DSP: variants seen among roughly 807,000 people sequenced by gnomAD.
The protein encoded by DSP is desmoplakin.
Under a neutral mutation model 290.6 loss-of-function variants are expected in DSP, and 114 were observed. That is an observed-to-expected ratio of 0.39 (90% CI 0.34 to 0.46). DSP has a LOEUF of 0.46. DSP is among the 20% of genes least tolerant of loss of function. The pLI, the probability that DSP is intolerant of heterozygous loss-of-function variation, is 0.99. For synonymous variants in DSP, 1,311 were observed against 1,316.4 expected, an observed-to-expected ratio of 1.00 and a Z score of 0.09; for missense variants, 3,230 against 3,495.8, an observed-to-expected ratio of 0.92 and a Z score of 1.92.
chr6:7,585,920 A>G lies in DSP; in HGVS notation c.*42A>G. 11 of 1,576,736 alleles carry G rather than the reference A, an allele frequency of 7.0e-6. No homozygotes were observed. Among genetic ancestry groups the G allele is most frequent in the South Asian group, 1.1e-5 (1 of 89,822 alleles). On this transcript the variant is annotated 3_prime_UTR_variant, in exon 24 of 24. Coordinates refer to ENST00000379802, the MANE Select transcript of DSP (RefSeq NM_004415.4). ...GTTGCTATACCTTGACTTCATTTAT[A>G]TGAATTTCCACTTTATTAAATAATA...
Position 7,579,143 on chromosome 6 carries a change from C to T in DSP, c.3085-132C>T. Reference sequence around the variant, plus strand: ...GATTTCTTGAATATTTGCCTAGTCACTCTTTGCATGTATGTCCATGTGTGT... The same window carrying T: ...GATTTCTTGAATATTTGCCTAGTCATTCTTTGCATGTATGTCCATGTGTGT... On this transcript the variant is annotated intron_variant, in intron 22 of 23. Coordinates refer to ENST00000379802, the MANE Select transcript of DSP (RefSeq NM_004415.4). This position sits in a 1 kb window ranked among gnomAD's most constrained non-coding sequence, Gnocchi z 4.1. The T allele has an allele frequency of 1.5e-6, 2 of 1,291,580 alleles. No individual in the cohort carries two copies. Among genetic ancestry groups the T allele is most frequent in the Non-Finnish European group, 2.1e-6 (2 of 932,674 alleles). 80.0% of individuals were successfully genotyped at this position (1,291,580 alleles called of 1,614,324 possible). A position where few individuals can be genotyped will look rare whatever the true frequency, so the allele number is the denominator to read the frequency against.
chr6:7,584,890 TC>T lies in DSP; in HGVS notation c.7629del (p.Phe2544LeufsTer17). ...AIDKGLVDRK[F>X]FDQYRSGSLS... Reference sequence around the variant, plus strand: ...GACAAGGGCCTTGTTGACAGGAAGTTCTTTGATCAGTACCGATCCGGCAGCC... The same window carrying T: ...GACAAGGGCCTTGTTGACAGGAAGTTTTTGATCAGTACCGATCCGGCAGCC... On this transcript the variant is annotated frameshift_variant, in exon 24 of 24. Coordinates refer to ENST00000379802, the MANE Select transcript of DSP (RefSeq NM_004415.4). LOFTEE classifies it high-confidence loss of function. The surrounding 1 kb of genome is among the most constrained non-coding windows in gnomAD (Gnocchi z 6.4). 6.2e-7 allele frequency: 1 copy of T among 1,614,156 alleles called. No homozygotes were observed.
intron 20 of DSP, 81 bp from the exon 21 acceptor site, chr6:7,577,698 T>A: frequency 8.5e-7 from 1 of 1,172,866 alleles, no homozygotes; most frequent in Non-Finnish European, 1.3e-6. Context: ...GCCCAATGAT[T>A]TAAAACTGTG....
rs1274497690 is a variant in DSP, at chr6:7,575,347, C to T, written c.2489C>T (p.Thr830Ile). 5 of 1,613,570 alleles carry T rather than the reference C, an allele frequency of 3.1e-6. No homozygotes were observed. The South Asian group carries it at 5.5e-5, about 18-fold the overall frequency. Residue 830 changes from threonine to isoleucine, a missense_variant, in exon 18 of 24, where the codon ACA (threonine) becomes ATA (isoleucine). This residue lies in a region of DSP where 1,714 missense variants were observed against 1,844.5 expected (regional missense o/e 0.93). Coordinates refer to ENST00000379802, the MANE Select transcript of DSP (RefSeq NM_004415.4). ...LKKSLLATMKTELQKAQQIHS... is the reference protein window; with the variant it reads ...LKKSLLATMKIELQKAQQIHS... ...AAGTCGTTGTTGGCCACTATGAAGACAGAACTACAGAAAGCCCAGCAGATC... is the reference window on the plus strand; with the variant it reads ...AAGTCGTTGTTGGCCACTATGAAGATAGAACTACAGAAAGCCCAGCAGATC...
chr6:7,567,918 G>T lies in DSP; in HGVS notation c.1266+12G>T. The T allele has an allele frequency of 1.9e-6, 3 of 1,613,056 alleles. No individual in the cohort carries two copies. The highest frequency in any genetic ancestry group is 4.5e-5 in the East Asian group (2 of 44,864). ...TCAAGGAGCTGGAGGTATCGTCTCA[G>T]ACCCAGAACCTCAGCAGCTGTGCCT... is the stretch of plus-strand genomic sequence containing the variant. On this transcript the variant is annotated intron_variant, in intron 10 of 23. Transcript: ENST00000379802.
chr6:7,556,391 G>T (rs562317786), intron 2 of DSP, among the ~76,000 whole-genome samples: 4 of 152,296 alleles, frequency 2.6e-5, no homozygotes, highest in African/African-American at 9.6e-5. Context: ...CATGGAGTTC[G>T]TGGTATTTGC....
intron 3 of DSP, 66 bp from the exon 4 acceptor site, chr6:7,559,160 A>G (rs1758594295): frequency 1.3e-6 from 2 of 1,580,712 alleles, no homozygotes; most frequent in African/African-American, 2.7e-5. Flanking sequence ...AAAAGGGGAA[A>G]TTTGCCCAGA....
chr6:7,553,090 G>A (rs1758390788), intron 1 of DSP, among the ~76,000 whole-genome samples: 1 of 152,072 alleles, frequency 6.6e-6, no homozygotes, highest in African/African-American at 2.4e-5. Flanking sequence ...TTACAAAATA[G>A]TACAAAGTTT....
At chr6:7,577,125 T>C in intron 20 of DSP, 83 bp downstream of exon 20, 1 of 1,066,630 alleles carries the variant, frequency 9.4e-7, no homozygotes, top group Non-Finnish European at 1.4e-6. Context: ...GTAAAGCGTA[T>C]ACACTTCCTG....
chr6:7,547,854 T>A (rs918236162), intron 1 of DSP, among the ~76,000 whole-genome samples: 1 of 152,204 alleles, frequency 6.6e-6, no homozygotes, highest in African/African-American at 2.4e-5. Context: ...CTGAAATGCC[T>A]CACACTTAAT....
At chr6:7,578,602 A>G in intron 22 of DSP, 40 bp downstream of exon 22, 1 of 1,440,656 alleles carries the variant, frequency 6.9e-7, no homozygotes, top group Non-Finnish European at 9.8e-7. Context: ...CAAAAAAGAA[A>G]ATAGAATAGA....
chr6:7,583,946 G>T lies in DSP; in HGVS notation c.6684G>T (p.Leu2228Phe). The T allele has an allele frequency of 1.2e-6, 2 of 1,614,110 alleles. No homozygotes were observed. Among genetic ancestry groups the T allele is most frequent in the South Asian group, 2.2e-5 (2 of 91,048 alleles). Residue 2228 changes from leucine (L) to phenylalanine (F), a missense_variant, in exon 24 of 24, where the codon TTG becomes TTT. Coordinates refer to ENST00000379802, the MANE Select transcript of DSP (RefSeq NM_004415.4). This position sits in a 1 kb window ranked among gnomAD's most constrained non-coding sequence, Gnocchi z 4.0. Reference sequence around the variant, plus strand: ...CTGAGCTAGTAGATTCTGGTATATTGAGACCGTCCACTGTCAATGAACTGG... The same window carrying T: ...CTGAGCTAGTAGATTCTGGTATATTTAGACCGTCCACTGTCAATGAACTGG... ...TVTELVDSGILRPSTVNELES... is the reference protein window; with the variant it reads ...TVTELVDSGIFRPSTVNELES...
In DSP at chr6:7,582,166, GTA is replaced by G. The variant is rs377100018; in HGVS notation, c.5380-472_5380-471del. The stretch of plus-strand genomic sequence containing the variant: ...TGTGTGTGTGTGTGTGTGTGTGTGT[GTA>G]TATCTATATATTATATATATAATTA... On this transcript the variant is annotated intron_variant, in intron 23 of 23. Coordinates refer to ENST00000379802, the MANE Select transcript of DSP (RefSeq NM_004415.4). This position sits in a 1 kb window ranked among gnomAD's most constrained non-coding sequence, Gnocchi z 4.2. Among the ~76,000 whole-genome samples, 2 of 145,860 alleles carry G rather than the reference GTA, an allele frequency of 1.4e-5. No individual in the cohort carries two copies. Among genetic ancestry groups the G allele is most frequent in the African/African-American group, 2.5e-5 (1 of 40,118 alleles).
At chr6:7,551,395 G>C (rs1181356067) in intron 1 of DSP, among the ~76,000 whole-genome samples, 1 of 152,184 alleles carries the variant, frequency 6.6e-6, no homozygotes, top group Non-Finnish European at 1.5e-5. Flanking sequence ...GGGAGGCCAA[G>C]GCGGGTGGAT....
rs760307890 is a variant in DSP, at chr6:7,579,293, G to A, written c.3103G>A (p.Glu1035Lys). The A allele has an allele frequency of 3.1e-6, 5 of 1,614,114 alleles. No homozygotes were observed. Among genetic ancestry groups the A allele is most frequent in the South Asian group, 1.1e-5 (1 of 91,076 alleles). Reference sequence around the variant, plus strand: ...TCCACAGCTGAAAAATACCAAGATCGAAGTTTTGGAAGAGGAGCTCAGACT... The same window carrying A: ...TCCACAGCTGAAAAATACCAAGATCAAAGTTTTGGAAGAGGAGCTCAGACT... Reference protein sequence around the residue: ...EDLKLKNTKIEVLEEELRLAR... With the variant: ...EDLKLKNTKIKVLEEELRLAR... Residue 1035 changes from glutamate (E) to lysine (K), a missense_variant, in exon 23 of 24, where the codon GAA becomes AAA. Transcript: ENST00000379802. This position sits in a 1 kb window ranked among gnomAD's most constrained non-coding sequence, Gnocchi z 4.1.
chr6:7,559,511 A>G (rs1040392854), intron 4 of DSP, 111 bp downstream of exon 4: 11 of 1,371,528 alleles, frequency 8.0e-6, no homozygotes, highest in East Asian at 7.3e-5. Flanking sequence ...AGGTGGCGGC[A>G]GCAGCTTGCT....
At chr6:7,566,965 C>G (rs1326687099) in intron 8 of DSP, among the ~76,000 whole-genome samples, 1 of 152,074 alleles carries the variant, frequency 6.6e-6, no homozygotes, top group African/African-American at 2.4e-5. Flanking sequence ...GTCTTGAGCC[C>G]CCTAAGCCCT....
chr6:7,567,934 A>G (rs1258111725), intron 10 of DSP, 28 bp downstream of exon 10: 10 of 1,611,858 alleles, frequency 6.2e-6, no homozygotes, highest in Non-Finnish European at 8.5e-6. Flanking sequence ...GAACCTCAGC[A>G]GCTGTGCCTG....
At position 7,547,436 on chromosome 6, in the gene DSP, T is replaced by G. The variant is rs541408040; in HGVS notation, c.170+5351T>G. Among the ~76,000 whole-genome samples, 21 of 152,172 alleles carry G rather than the reference T, an allele frequency of 1.4e-4. No individual in the cohort carries two copies. In the South Asian group the frequency reaches 2.9e-3, roughly 21 times the overall value. ...TGGAATTACATTTTGTTTGTTTGTTTGTTTGTTTTGAGATGGGGTGTTGCT... is the reference window on the plus strand; with the variant it reads ...TGGAATTACATTTTGTTTGTTTGTTGGTTTGTTTTGAGATGGGGTGTTGCT... On this transcript the variant is annotated intron_variant, in intron 1 of 23. Transcript: ENST00000379802.
Sources: gnomAD v4.1 joint callset for allele counts (sites outside exome capture counted in the v4.1 genomes callset) on GRCh38, gnomAD v4.1.1 for gene constraint, gnomAD v4.1.1 regional missense constraint, Gnocchi (gnomAD v3.1) non-coding constraint, MANE v1.5 for transcripts, NCBI Gene and HGNC (gene_info 2026-07-23, HGNC 2026-07-21) for gene names.